Variants in CSNK2A2IP observed in about 807,000 individuals in gnomAD.
CSNK2A2IP encodes the protein casein kinase 2 subunit alpha' interacting protein, also known as casein kinase II subunit alpha'-interacting protein.
At chr3:88,443,891 TA>T in the CSNK2A2IP span, among the ~76,000 whole-genome samples, 122,200 of 150,482 alleles carry the variant, frequency 0.81, 50,182 homozygotes, top group Non-Finnish European at 0.88. Context: ...ATTAGAGTAA[TA>T]AAAAAAAAAA....
chr3:88,391,640 G>T, the CSNK2A2IP span, among the ~76,000 whole-genome samples: 5 of 152,038 alleles, frequency 3.3e-5, no homozygotes, highest in Non-Finnish European at 4.4e-5. Context: ...ACATACTCTA[G>T]GCAGAAGGTA....
the CSNK2A2IP span, among the ~76,000 whole-genome samples, chr3:88,455,649 G>C: frequency 1.3e-5 from 2 of 151,738 alleles, no homozygotes; most frequent in African/African-American, 4.8e-5. Context: ...TATTCTGTGA[G>C]CTACCTTTTC....
the CSNK2A2IP span, among the ~76,000 whole-genome samples, chr3:88,377,970 T>C: frequency 1.1e-3 from 165 of 152,066 alleles, 2 homozygotes; most frequent in East Asian, 0.03. Flanking sequence ...TAATGAGATA[T>C]GATTTTTCAT....
chr3:88,383,917 C>T, the CSNK2A2IP span, among the ~76,000 whole-genome samples: 85 of 152,236 alleles, frequency 5.6e-4, no homozygotes, highest in Non-Finnish European at 1.1e-3. Flanking sequence ...CCTGCCTCGG[C>T]CTCCCAAAAT....
At chr3:88,415,021 CCA>C in the CSNK2A2IP span, among the ~76,000 whole-genome samples, 13 of 148,682 alleles carry the variant, frequency 8.7e-5, no homozygotes, top group Non-Finnish European at 1.0e-4. Context: ...TAAAAAAAAC[CCA>C]CACACACACA....
chr3:88,401,065 CA>C, the CSNK2A2IP span, among the ~76,000 whole-genome samples: 80 of 151,962 alleles, frequency 5.3e-4, no homozygotes, highest in African/African-American at 1.9e-3. Context: ...TTTTTTATGA[CA>C]AAAAATGATA....
At chr3:88,463,900 C>T in the CSNK2A2IP span, among the ~76,000 whole-genome samples, 16 of 151,880 alleles carry the variant, frequency 1.1e-4, no homozygotes, top group Non-Finnish European at 2.2e-4. Flanking sequence ...TTGGAAACAA[C>T]CCAAATGTCC....
the CSNK2A2IP span, among the ~76,000 whole-genome samples, chr3:88,444,569 A>T: frequency 2.0e-5 from 3 of 152,176 alleles, no homozygotes; most frequent in Admixed American, 6.6e-5. Context: ...CTTATCCTAA[A>T]ATAATTGGCA....
At chr3:88,380,146 A>G in the CSNK2A2IP span, among the ~76,000 whole-genome samples, 1 of 152,116 alleles carries the variant, frequency 6.6e-6, no homozygotes, top group Non-Finnish European at 1.5e-5. Context: ...ATAGGTATGA[A>G]TTTTTATTGG....
chr3:88,462,035 G>T, the CSNK2A2IP span, among the ~76,000 whole-genome samples: 1 of 151,092 alleles, frequency 6.6e-6, no homozygotes, highest in South Asian at 2.1e-4. Context: ...TGAAGTGGTT[G>T]TTCATGTTTT....
At chr3:88,378,831 AAT>A in the CSNK2A2IP span, among the ~76,000 whole-genome samples, 1 of 152,034 alleles carries the variant, frequency 6.6e-6, no homozygotes, top group Non-Finnish European at 1.5e-5. Context: ...CAATACAATA[AAT>A]ATGTGTTATG....
At chr3:88,384,770 A>C in the CSNK2A2IP span, among the ~76,000 whole-genome samples, 1 of 152,214 alleles carries the variant, frequency 6.6e-6, no homozygotes, top group Non-Finnish European at 1.5e-5. Context: ...TGATAGCTTA[A>C]CTAAGACAGA....
the CSNK2A2IP span, among the ~76,000 whole-genome samples, chr3:88,339,423 T>C: frequency 6.6e-6 from 1 of 152,118 alleles, no homozygotes; most frequent in African/African-American, 2.4e-5. Flanking sequence ...ATGTGCCACA[T>C]TTTCTTGATC....
chr3:88,462,381 G>A, the CSNK2A2IP span, among the ~76,000 whole-genome samples: 6 of 152,046 alleles, frequency 3.9e-5, no homozygotes, highest in Admixed American at 3.9e-4. Context: ...GGTCCAACAA[G>A]CATGAGAAAC....
chr3:88,420,826 A>G, the CSNK2A2IP span, among the ~76,000 whole-genome samples: 1 of 152,208 alleles, frequency 6.6e-6, no homozygotes, highest in Non-Finnish European at 1.5e-5. Flanking sequence ...CCGATGAATC[A>G]TGCTGGTTTG....
the CSNK2A2IP span, among the ~76,000 whole-genome samples, chr3:88,443,853 A>G: frequency 6.6e-6 from 1 of 151,120 alleles, no homozygotes; most frequent in East Asian, 2.0e-4. Context: ...GCTACTCACC[A>G]GTTTTCTCTG....
At chr3:88,366,604 T>C in the CSNK2A2IP span, among the ~76,000 whole-genome samples, 4 of 152,046 alleles carry the variant, frequency 2.6e-5, no homozygotes, top group Non-Finnish European at 5.9e-5. Flanking sequence ...ATAACTTTAA[T>C]TGGAGTGTTA....
the CSNK2A2IP span, among the ~76,000 whole-genome samples, chr3:88,377,896 T>C: frequency 6.8e-4 from 104 of 152,048 alleles, no homozygotes; most frequent in African/African-American, 2.3e-3. Flanking sequence ...AATTCACTCT[T>C]TTGTAATTGA....
the CSNK2A2IP span, among the ~76,000 whole-genome samples, chr3:88,366,666 T>C: frequency 1.3e-5 from 2 of 151,992 alleles, no homozygotes; most frequent in Admixed American, 6.6e-5. Flanking sequence ...AGTGGTTATA[T>C]TGAAGGAGGG....
Sources: gnomAD v4.1 joint callset for allele counts (sites outside exome capture counted in the v4.1 genomes callset) on GRCh38, gnomAD v4.1.1 for gene constraint, MANE v1.5 for transcripts, NCBI Gene and HGNC (gene_info 2026-07-23, HGNC 2026-07-21) for gene names.